BLTP1: variants seen among roughly 807,000 people sequenced by gnomAD.
BLTP1 encodes fragile site-associated protein.
At chr4:122,253,462 A>C in the BLTP1 span, among the ~76,000 whole-genome samples, 2 of 152,248 alleles carry the variant, frequency 1.3e-5, 1 homozygote, top group South Asian at 4.1e-4. Flanking sequence ...AATAATTAAA[A>C]AGAATCCAGC....
chr4:122,229,334 TC>T, the BLTP1 span: 2 of 1,015,952 alleles, frequency 2.0e-6, no homozygotes, highest in South Asian at 4.9e-5. Context: ...TAGTTTGTCA[TC>T]TCACAGACAG....
At chr4:122,347,521 G>C in the BLTP1 span, 4 of 1,605,546 alleles carry the variant, frequency 2.5e-6, no homozygotes, top group African/African-American at 1.3e-5. Flanking sequence ...TTTTCTACTA[G>C]CATCTGGCCC....
At chr4:122,298,983 C>G in the BLTP1 span, 1 of 985,176 alleles carries the variant, frequency 1.0e-6, no homozygotes, top group Non-Finnish European at 1.2e-6. Context: ...GTTGGATCAC[C>G]AAGCAACACA....
chr4:122,356,829 G>T, the BLTP1 span: 2 of 1,537,814 alleles, frequency 1.3e-6, no homozygotes, highest in Non-Finnish European at 1.7e-6. Context: ...AATTGTTATG[G>T]TCTAATGAGA....
At chr4:122,260,165 A>G in the BLTP1 span, among the ~76,000 whole-genome samples, 1 of 152,202 alleles carries the variant, frequency 6.6e-6, no homozygotes, top group Non-Finnish European at 1.5e-5. Flanking sequence ...CCTGTACAGC[A>G]TATTACTATC....
At chr4:122,353,049 G>A in the BLTP1 span, 1 of 1,613,868 alleles carries the variant, frequency 6.2e-7, no homozygotes, top group Non-Finnish European at 8.5e-7. This position sits in a 1 kb window ranked among gnomAD's most constrained non-coding sequence, Gnocchi z 4.3. Flanking sequence ...ATATGACACT[G>A]GCATGTTTTC....
the BLTP1 span, chr4:122,263,507 T>C: frequency 6.2e-7 from 1 of 1,612,936 alleles, no homozygotes; most frequent in Non-Finnish European, 8.5e-7. Flanking sequence ...ATCTGTGAGT[T>C]TCTATAATTG....
At chr4:122,227,512 T>G in the BLTP1 span, 1 of 981,456 alleles carries the variant, frequency 1.0e-6, no homozygotes, top group Non-Finnish European at 1.2e-6. Flanking sequence ...CATGGCTGTT[T>G]CAAAAGAGAA....
the BLTP1 span, chr4:122,199,300 A>G: frequency 6.3e-7 from 1 of 1,591,534 alleles, no homozygotes; most frequent in African/African-American, 1.3e-5. Context: ...TTCTAGTCCA[A>G]AGATGTTTCA....
At chr4:122,199,377 A>G in the BLTP1 span, 1 of 1,613,338 alleles carries the variant, frequency 6.2e-7, no homozygotes, top group South Asian at 1.1e-5. Flanking sequence ...CCTGCTATTA[A>G]GGGACAACTC....
chr4:122,361,599 C>T, the BLTP1 span, among the ~76,000 whole-genome samples: 7,460 of 152,168 alleles, frequency 0.049, 256 homozygotes, highest in Non-Finnish European at 0.074. Context: ...TGTTTCTCCA[C>T]GTATAAGGAA....
the BLTP1 span, chr4:122,346,663 G>A: frequency 6.2e-7 from 1 of 1,613,342 alleles, no homozygotes; most frequent in Non-Finnish European, 8.5e-7. Context: ...AATATGATAT[G>A]CGCCGACTCA....
At chr4:122,312,705 C>A in the BLTP1 span, 2 of 323,224 alleles carry the variant, frequency 6.2e-6, no homozygotes, top group Non-Finnish European at 4.4e-6. Context: ...CTCTCACAAA[C>A]TAAGTTGTAA....
At chr4:122,309,508 T>G in the BLTP1 span, 1 of 1,550,460 alleles carries the variant, frequency 6.4e-7, no homozygotes, top group Non-Finnish European at 8.8e-7. Context: ...ACTTAAAAAA[T>G]AAAACATTAA....
the BLTP1 span, among the ~76,000 whole-genome samples, chr4:122,159,355 C>G: frequency 6.6e-6 from 1 of 151,372 alleles, no homozygotes; most frequent in Non-Finnish European, 1.5e-5. Flanking sequence ...CCCAGCTACT[C>G]GGGAGGCTGA....
chr4:122,232,754 G>T, the BLTP1 span, among the ~76,000 whole-genome samples: 3 of 152,146 alleles, frequency 2.0e-5, no homozygotes, highest in African/African-American at 7.2e-5. Flanking sequence ...CAGAGAGAAA[G>T]ATTACCTCAA....
the BLTP1 span, chr4:122,331,021 T>C: frequency 1.0e-6 from 1 of 962,708 alleles, no homozygotes; most frequent in African/African-American, 1.8e-5. Flanking sequence ...AACATTTAAA[T>C]GTTATAATTT....
the BLTP1 span, chr4:122,286,874 TA>T: frequency 2.8e-6 from 3 of 1,080,784 alleles, no homozygotes; most frequent in Admixed American, 2.6e-5. Flanking sequence ...TCCAAACTTT[TA>T]AGGTAAAGTC....
At chr4:122,232,145 A>G in the BLTP1 span, 1 of 984,506 alleles carries the variant, frequency 1.0e-6, no homozygotes, top group Non-Finnish European at 1.2e-6. Flanking sequence ...AGCTTGTGAA[A>G]AATTGTGAAG....
Sources: gnomAD v4.1 joint callset for allele counts (sites outside exome capture counted in the v4.1 genomes callset) on GRCh38, gnomAD v4.1.1 for gene constraint, Gnocchi (gnomAD v3.1) non-coding constraint, MANE v1.5 for transcripts, NCBI Gene and HGNC (gene_info 2026-07-23, HGNC 2026-07-21) for gene names.